Variants in CTTNBP2 observed in about 807,000 individuals in gnomAD.
CTTNBP2 encodes the protein cortactin binding protein 2, also known as cortactin-binding protein 2.
In CTTNBP2, 108 loss-of-function variants were observed where a neutral mutation model predicts 156.9. The observed-to-expected ratio is 0.69, with a 90% CI of 0.59 to 0.81. The LOEUF is 0.81. Ranked by LOEUF, CTTNBP2 falls within the 30% of genes least tolerant of loss-of-function variation. The probability of loss-of-function intolerance (pLI) is 0.00; values close to 1 mark genes in which losing one functional copy is unlikely to be tolerated. For missense variants in CTTNBP2, 1,924 were observed against 2,035.4 expected, an observed-to-expected ratio of 0.95 and a Z score of 1.05; for synonymous variants, 767 against 751.8, an observed-to-expected ratio of 1.02 and a Z score of -0.33.
At chr7:117,800,771 G>A (rs537954453) in intron 3 of CTTNBP2, among the ~76,000 whole-genome samples, 7 of 152,198 alleles carry the variant, frequency 4.6e-5, no homozygotes, top group African/African-American at 1.7e-4. Context: ...TTGATACATA[G>A]AGAGACAGAC....
chr7:117,843,369 T>C lies in CTTNBP2; in HGVS notation c.189+17840A>G, dbSNP rs1044122092. Among the ~76,000 whole-genome samples the C allele has an allele frequency of 4.6e-5, 7 of 152,116 alleles. No homozygotes were observed. The East Asian group carries it at 5.8e-4, about 13-fold the overall frequency. On this transcript the variant is annotated intron_variant, in intron 2 of 22. Coordinates refer to ENST00000160373, the MANE Select transcript of CTTNBP2 (RefSeq NM_033427.3). ...AAAGCAAGAAAGGATGGAGATTGCATGTAGTGTAGACAGGAGTTCCCATTT... is the reference window on the plus strand; with the variant it reads ...AAAGCAAGAAAGGATGGAGATTGCACGTAGTGTAGACAGGAGTTCCCATTT...
At chr7:117,742,915 G>C (rs756282715) in intron 14 of CTTNBP2, among the ~76,000 whole-genome samples, 3 of 152,224 alleles carry the variant, frequency 2.0e-5, no homozygotes, top group Non-Finnish European at 4.4e-5. Context: ...TCTGAAAGCT[G>C]CTGCCCCTCC....
At chr7:117,734,108 C>A (rs1795552189) in intron 16 of CTTNBP2, among the ~76,000 whole-genome samples, 1 of 152,204 alleles carries the variant, frequency 6.6e-6, no homozygotes, top group Non-Finnish European at 1.5e-5. Context: ...GGAGGGTCAA[C>A]AGACTCCCCT....
chr7:117,861,270 A>G lies in CTTNBP2; in HGVS notation c.128T>C (p.Met43Thr), dbSNP rs188205385. Residue 43 changes from methionine to threonine, a missense_variant, in exon 2 of 23, where the codon ATG becomes ACG. Met to Thr is a moderately conservative substitution (Grantham distance 81, BLOSUM62 -1). Coordinates refer to ENST00000160373, the MANE Select transcript of CTTNBP2 (RefSeq NM_033427.3). Reference sequence around the variant, plus strand: ...CTCCCCTTCCATCACGCTGAGGAGCATCCGCAGCTCGGATTTACTGAGAGT... The same window carrying G: ...CTCCCCTTCCATCACGCTGAGGAGCGTCCGCAGCTCGGATTTACTGAGAGT... Reference protein sequence around the residue: ...VDTLSKSELRMLLSVMEGELE... With the variant: ...VDTLSKSELRTLLSVMEGELE... The G allele has an allele frequency of 6.2e-7, 1 of 1,613,864 alleles. No homozygotes were observed. Among genetic ancestry groups the G allele is most frequent in the African/African-American group, 1.3e-5 (1 of 75,044 alleles).
intron 3 of CTTNBP2, among the ~76,000 whole-genome samples, chr7:117,804,584 A>T (rs1037579355): frequency 6.6e-6 from 1 of 152,230 alleles, no homozygotes; most frequent in Non-Finnish European, 1.5e-5. Context: ...GGGATACTAT[A>T]AAGCTGTACA....
chr7:117,854,816 G>A (rs536183926), intron 2 of CTTNBP2, among the ~76,000 whole-genome samples: 3 of 151,784 alleles, frequency 2.0e-5, no homozygotes, highest in Admixed American at 6.6e-5. Context: ...ACAGAGTCTC[G>A]CTCTATCACC....
At position 117,791,656 on chromosome 7, in the gene CTTNBP2, G is replaced by A. The variant is rs1799021130; in HGVS notation, c.1540C>T (p.Pro514Ser). The A allele has an allele frequency of 1.2e-6, 2 of 1,614,030 alleles. No individual in the cohort carries two copies. Among genetic ancestry groups the A allele is most frequent in the African/African-American group, 1.3e-5 (1 of 74,900 alleles). ...AGAPSRPGVPPTGDVGTHPPV... is the reference protein window; with the variant it reads ...AGAPSRPGVPSTGDVGTHPPV... ...GGGTGGGTGCCAACATCCCCTGTTG[G>A]GGGCACTCCAGGCCTTGAGGGAGCA... Residue 514 changes from proline to serine, a missense_variant, in exon 4 of 23, where the codon CCA (proline) becomes TCA (serine). Transcript: ENST00000160373.
chr7:117,736,507 CAGAG>C (rs1795716048), intron 14 of CTTNBP2, among the ~76,000 whole-genome samples: 1 of 152,000 alleles, frequency 6.6e-6, no homozygotes, highest in Non-Finnish European at 1.5e-5. Flanking sequence ...TTCCAGATCT[CAGAG>C]AGGCTGAAGT....
intron 4 of CTTNBP2, among the ~76,000 whole-genome samples, chr7:117,788,308 C>T (rs55978923): frequency 6.6e-6 from 1 of 152,110 alleles, no homozygotes; most frequent in Non-Finnish European, 1.5e-5. Context: ...GCTAATGGCT[C>T]AGAGGGAATT....
intron 14 of CTTNBP2, 27 bp downstream of exon 14, chr7:117,745,804 A>G (rs1341390468): frequency 6.7e-7 from 1 of 1,503,734 alleles, no homozygotes; most frequent in Admixed American, 1.7e-5. Context: ...TTAGGTTATC[A>G]CAGGCAATTT....
At chr7:117,821,648 G>C (rs57627307) in intron 2 of CTTNBP2, among the ~76,000 whole-genome samples, 4,983 of 150,806 alleles carry the variant, frequency 0.033, 143 homozygotes, top group African/African-American at 0.064. Flanking sequence ...GAGTGCAGTG[G>C]TGCAATCTCG....
intron 2 of CTTNBP2, among the ~76,000 whole-genome samples, chr7:117,813,690 C>T (rs571107882): frequency 6.6e-6 from 1 of 152,208 alleles, no homozygotes; most frequent in Non-Finnish European, 1.5e-5. Context: ...AGCCCCACCT[C>T]CACTGAGCCC....
At chr7:117,871,843 T>TCCACACACACACAC (rs1563083191) in intron 1 of CTTNBP2, 1 of 303,292 alleles carries the variant, frequency 3.3e-6, no homozygotes, top group African/African-American at 1.3e-4. Context: ...GTCCTTCCCC[T>TCCACACACACACAC]TCACACACAC....
intron 2 of CTTNBP2, among the ~76,000 whole-genome samples, chr7:117,822,718 T>C (rs1189727121): frequency 1.3e-5 from 2 of 152,244 alleles, no homozygotes; most frequent in Non-Finnish European, 2.9e-5. Context: ...TTGAGGTCAC[T>C]GAATACATAT....
At chr7:117,814,552 C>T (rs781086595) in intron 2 of CTTNBP2, among the ~76,000 whole-genome samples, 12 of 152,176 alleles carry the variant, frequency 7.9e-5, no homozygotes, top group Admixed American at 2.6e-4. Context: ...CTCAGCTTCC[C>T]GAGTAGCTGA....
rs949454510 is a variant in CTTNBP2, at chr7:117,774,906, C to T, written c.2778+2605G>A. On this transcript the variant is annotated intron_variant, in intron 8 of 22. Coordinates refer to ENST00000160373, the MANE Select transcript of CTTNBP2 (RefSeq NM_033427.3). ...ACCAATGCAATGACTAGCTCAGAGC[C>T]GTATTTTTTTCAGAAATCTGGCCTT... 5.3e-5 allele frequency among the ~76,000 whole-genome samples: 8 copies of T among 152,154 alleles called. No individual in the cohort carries two copies. In the South Asian group the frequency reaches 1.0e-3, roughly 20 times the overall value.
intron 20 of CTTNBP2, 33 bp from the exon 21 acceptor site, chr7:117,719,669 G>C: frequency 6.3e-7 from 1 of 1,584,300 alleles, no homozygotes; most frequent in Non-Finnish European, 8.6e-7. Context: ...GTTTTTCAAA[G>C]TGAGAACAAT....
In CTTNBP2 at chr7:117,861,072, G is replaced by C. The variant is rs1437135175; in HGVS notation, c.189+137C>G. 5 of 623,782 alleles carry C rather than the reference G, an allele frequency of 8.0e-6. No homozygotes were observed. The Admixed American group carries it at 1.5e-4, about 18-fold the overall frequency. The allele number at this position is 623,782 out of a possible 1,614,324, so 38.6% of individuals were successfully genotyped here. ...ATAAAAGTTATGGGTTAGTGTTTGG[G>C]GTGAAGAGCACATTTTGACCTGATG... On this transcript the variant is annotated intron_variant, in intron 2 of 22. Coordinates refer to ENST00000160373, the MANE Select transcript of CTTNBP2 (RefSeq NM_033427.3).
intron 2 of CTTNBP2, among the ~76,000 whole-genome samples, chr7:117,848,992 G>C (rs1450516651): frequency 6.6e-6 from 1 of 152,132 alleles, no homozygotes; most frequent in African/African-American, 2.4e-5. Context: ...CTCCTTTAGT[G>C]CTATTTCCAC....
Sources: allele counts gnomAD v4.1 joint callset (sites outside exome capture counted in the v4.1 genomes callset), GRCh38; gene constraint gnomAD v4.1.1; transcripts MANE v1.5; gene names NCBI Gene and HGNC (gene_info 2026-07-23, HGNC 2026-07-21).